RTF1: variants seen among roughly 807,000 people sequenced by gnomAD.
RTF1 encodes the protein RNA polymerase-associated protein RTF1 homolog.
In RTF1, 10 loss-of-function variants were observed where a neutral mutation model predicts 95.7. The ratio of observed to expected loss-of-function variants is 0.10; its 90% CI spans 0.06 to 0.18. The LOEUF (loss-of-function observed/expected upper bound fraction) is 0.18, where lower values mean the gene tolerates loss of function less well. Among genes scored for constraint, RTF1 ranks in the 10% least tolerant of loss-of-function variants. RTF1 has a pLI of 1.00. For missense variants in RTF1, 458 were observed against 875.6 expected (o/e 0.52, Z 6.02); for synonymous variants, 305 against 311.8 (o/e 0.98, Z 0.23).
chr15:41,463,015 A>G (rs1468522063), intron 4 of RTF1, among the ~76,000 whole-genome samples: 1 of 152,148 alleles, frequency 6.6e-6, no homozygotes, highest in African/African-American at 2.4e-5. Context: ...TTGGCCTCCC[A>G]AAGTGTTTAG....
At chr15:41,480,429 G>C (rs1245958426) in intron 17 of RTF1, 104 bp downstream of exon 17, 3 of 995,920 alleles carry the variant, frequency 3.0e-6, no homozygotes, top group African/African-American at 3.2e-5. Context: ...GGGAATGCTG[G>C]CTCATCAGCA....
At chr15:41,439,503 C>G (rs1051318468) in intron 2 of RTF1, among the ~76,000 whole-genome samples, 1 of 152,106 alleles carries the variant, frequency 6.6e-6, no homozygotes, top group Non-Finnish European at 1.5e-5. Flanking sequence ...GGAGGAAAAT[C>G]CAACTGTTCA....
chr15:41,477,678 A>C, intron 14 of RTF1, 163 bp downstream of exon 14: 1 of 656,418 alleles, frequency 1.5e-6, no homozygotes, highest in Non-Finnish European at 2.7e-6. Flanking sequence ...TAATTTATTC[A>C]TAATGAAAAG....
chr15:41,435,287 C>T (rs2050696158), intron 1 of RTF1, among the ~76,000 whole-genome samples: 1 of 151,800 alleles, frequency 6.6e-6, no homozygotes, highest in African/African-American at 2.4e-5. Flanking sequence ...TTGTCAAACT[C>T]ATAGAACTAT....
At chr15:41,425,972 C>G (rs528245217) in intron 1 of RTF1, among the ~76,000 whole-genome samples, 2 of 152,110 alleles carry the variant, frequency 1.3e-5, no homozygotes, top group African/African-American at 4.8e-5. Context: ...GTGGAGACAT[C>G]AAGTAGGTAG....
At chr15:41,473,688 G>C (rs1030001008) in intron 8 of RTF1, among the ~76,000 whole-genome samples, 2 of 151,964 alleles carry the variant, frequency 1.3e-5, no homozygotes, top group African/African-American at 4.8e-5. Context: ...ACAGCCTCTT[G>C]AGTAGCTAGG....
chr15:41,458,199 C>T (rs2050828901), intron 4 of RTF1, among the ~76,000 whole-genome samples: 1 of 152,152 alleles, frequency 6.6e-6, no homozygotes, highest in South Asian at 2.1e-4. Flanking sequence ...GGCTTAGAGA[C>T]ATTAGGTAAC....
chr15:41,453,486 G>A (rs2050798144), intron 3 of RTF1, among the ~76,000 whole-genome samples: 1 of 152,162 alleles, frequency 6.6e-6, no homozygotes, highest in Non-Finnish European at 1.5e-5. Context: ...AACACTTTGG[G>A]AGGCCAAGGT....
At chr15:41,452,849 C>A in intron 2 of RTF1, 52 bp from the exon 3 acceptor site, 1 of 1,353,186 alleles carries the variant, frequency 7.4e-7, no homozygotes, top group South Asian at 1.7e-5. Flanking sequence ...CAGCTTTTCC[C>A]AATAAAGTCC....
chr15:41,456,468 G>A (rs2050817151), intron 3 of RTF1, among the ~76,000 whole-genome samples: 1 of 144,562 alleles, frequency 6.9e-6, no homozygotes, highest in Non-Finnish European at 1.5e-5. Context: ...CAGCCTGGGC[G>A]ACAGAGAGAG....
At chr15:41,446,952 A>G (rs1016576625) in intron 2 of RTF1, among the ~76,000 whole-genome samples, 1 of 151,802 alleles carries the variant, frequency 6.6e-6, no homozygotes, top group African/African-American at 2.4e-5. Context: ...ATAGGCGCCC[A>G]CCACCAGGCC....
At chr15:41,435,257 G>C (rs1410773614) in intron 1 of RTF1, among the ~76,000 whole-genome samples, 1 of 152,068 alleles carries the variant, frequency 6.6e-6, no homozygotes, top group Non-Finnish European at 1.5e-5. Flanking sequence ...GATCTTGACT[G>C]TGGTCGTGGT....
chr15:41,432,707 G>A (rs55882121), intron 1 of RTF1, among the ~76,000 whole-genome samples: 2,414 of 152,098 alleles, frequency 0.016, 74 homozygotes, highest in African/African-American at 0.056. Context: ...GGGAGGCCAA[G>A]GCGGCGGCTC....
At chr15:41,451,828 C>T (rs1262772383) in intron 2 of RTF1, among the ~76,000 whole-genome samples, 1 of 152,144 alleles carries the variant, frequency 6.6e-6, no homozygotes, top group Non-Finnish European at 1.5e-5. Context: ...TTACTGCCAT[C>T]TCTGCCACAT....
Position 41,480,796 on chromosome 15 carries a change from A to T in RTF1, c.*109A>T. 1 of 770,412 alleles carries T rather than the reference A, an allele frequency of 1.3e-6. No individual in the cohort carries two copies. The highest frequency in any genetic ancestry group is 2.5e-5 in the East Asian group (1 of 39,446). 47.7% of individuals were successfully genotyped at this position (770,412 alleles called of 1,614,324 possible). On this transcript the variant is annotated 3_prime_UTR_variant, in exon 18 of 18. Coordinates refer to ENST00000389629, the MANE Select transcript of RTF1 (RefSeq NM_015138.5). Reference sequence around the variant, plus strand: ...GGGCTGGAGCAGCTGTTGAACTGGGAAGAGACTCTAAACTGCCAGTCATCT... The same window carrying T: ...GGGCTGGAGCAGCTGTTGAACTGGGTAGAGACTCTAAACTGCCAGTCATCT...
intron 1 of RTF1, among the ~76,000 whole-genome samples, chr15:41,429,784 G>C (rs1425497746): frequency 6.6e-6 from 1 of 151,772 alleles, no homozygotes; most frequent in South Asian, 2.1e-4. Flanking sequence ...CTCAGCCTCA[G>C]TGCCTCAGAG....
At chr15:41,442,028 C>A (rs2050738386) in intron 2 of RTF1, among the ~76,000 whole-genome samples, 1 of 152,126 alleles carries the variant, frequency 6.6e-6, no homozygotes, top group Non-Finnish European at 1.5e-5. Context: ...AAAATTCTTC[C>A]AGCCACTGTG....
In RTF1 at chr15:41,417,103, G is replaced by A; in HGVS notation, c.-13G>A. 2.4e-6 allele frequency: 3 copies of A among 1,234,424 alleles called. No individual in the cohort carries two copies. Among genetic ancestry groups the A allele is most frequent in the Non-Finnish European group, 3.0e-6 (3 of 985,876 alleles). The allele number at this position is 1,234,424 out of a possible 1,614,324, so 76.5% of individuals were successfully genotyped here. A position where few individuals can be genotyped will look rare whatever the true frequency, so the allele number is the denominator to read the frequency against. ...AGCAGGGGGCGGGGCCAGGGGGGCG[G>A]AGCGGAGCGCGCATGCGCGGTCGCC... On this transcript the variant is annotated 5_prime_UTR_variant, in exon 1 of 18. Transcript: ENST00000389629.
intron 8 of RTF1, among the ~76,000 whole-genome samples, 165 bp downstream of exon 8, chr15:41,471,514 A>T (rs971226690): frequency 4.6e-5 from 7 of 152,204 alleles, no homozygotes; most frequent in African/African-American, 1.7e-4. Flanking sequence ...GGAATCCTTC[A>T]TGACTTGTTG....
Sources: gnomAD v4.1 joint callset for allele counts (sites outside exome capture counted in the v4.1 genomes callset) on GRCh38, gnomAD v4.1.1 for gene constraint, MANE v1.5 for transcripts, NCBI Gene and HGNC (gene_info 2026-07-23, HGNC 2026-07-21) for gene names.